Variants in FAM149B1 observed in about 807,000 individuals in gnomAD.
FAM149B1 encodes primary cilium assembly protein FAM149B1.
FAM149B1 carries 56 observed loss-of-function variants against 75.3 expected under a neutral mutation model. That is an observed-to-expected ratio of 0.74 (90% confidence interval 0.60 to 0.93). The LOEUF (loss-of-function observed/expected upper bound fraction) is 0.93. Ranked by LOEUF, FAM149B1 falls within the 40% of genes least tolerant of loss-of-function variation. The pLI, the probability that FAM149B1 is intolerant of heterozygous loss-of-function variation, is 0.00. For synonymous variants in FAM149B1, 259 were observed against 256.1 expected, an observed-to-expected ratio of 1.01 and a Z score of -0.11; for missense variants, 639 against 708.4, an observed-to-expected ratio of 0.90 and a Z score of 1.11.
chr10:73,169,645 G>C lies in FAM149B1; in HGVS notation c.47+1259G>C, dbSNP rs1253546390. Among the ~76,000 whole-genome samples the C allele has an allele frequency of 2.0e-5, 3 of 151,752 alleles. No individual in the cohort carries two copies. The East Asian group carries it at 5.8e-4, about 29-fold the overall frequency. ...CTAATTAAAAAAAAATTTTTTTTTG[G>C]TAGAGACAGGGTCCCACTATGTTGC... On this transcript the variant is annotated intron_variant, in intron 1 of 13. Transcript: ENST00000242505.
intron 3 of FAM149B1, among the ~76,000 whole-genome samples, chr10:73,182,147 GTGTGTT>G (rs2042413591): frequency 6.7e-6 from 1 of 149,230 alleles, no homozygotes; most frequent in African/African-American, 2.5e-5. Flanking sequence ...TATAGGTGAA[GTGTGTT>G]TCTTGTAGGC....
chr10:73,233,283 T>G, intron 10 of FAM149B1, 120 bp downstream of exon 10: 1 of 725,128 alleles, frequency 1.4e-6, no homozygotes, highest in South Asian at 1.8e-5. Flanking sequence ...AGTAGTCTTA[T>G]GACAGATTGC....
chr10:73,241,097 A>G lies in FAM149B1; in HGVS notation c.*78A>G. On this transcript the variant is annotated 3_prime_UTR_variant, in exon 14 of 14. Coordinates refer to ENST00000242505, the MANE Select transcript of FAM149B1 (RefSeq NM_173348.2). Reference sequence around the variant, plus strand: ...AGTATTCAGTCATCAAGTGATGCAGAGCTTGTATAGAAGATCGACTAGAAA... The same window carrying G: ...AGTATTCAGTCATCAAGTGATGCAGGGCTTGTATAGAAGATCGACTAGAAA... 1 of 833,530 alleles carries G rather than the reference A, an allele frequency of 1.2e-6. No homozygotes were observed. Among genetic ancestry groups the G allele is most frequent in the South Asian group, 1.4e-5 (1 of 69,354 alleles). The allele number at this position is 833,530 out of a possible 1,614,324, so 51.6% of individuals were successfully genotyped here.
At chr10:73,233,229 A>T in intron 10 of FAM149B1, 66 bp downstream of exon 10, 1 of 1,107,692 alleles carries the variant, frequency 9.0e-7, no homozygotes, top group Non-Finnish European at 1.3e-6. Context: ...TACAGAATTA[A>T]TTTAAATATA....
At chr10:73,175,081 G>C (rs984632377) in intron 2 of FAM149B1, among the ~76,000 whole-genome samples, 9 of 152,086 alleles carry the variant, frequency 5.9e-5, no homozygotes, top group Non-Finnish European at 8.8e-5. Context: ...CAAAAAAACA[G>C]AACATGGAGC....
chr10:73,227,942 A>G, intron 7 of FAM149B1, 118 bp from the exon 8 acceptor site: 1 of 1,098,606 alleles, frequency 9.1e-7, no homozygotes, highest in South Asian at 1.5e-5. Flanking sequence ...ATTGTACTGC[A>G]AAGATAAGTG....
Position 73,199,218 on chromosome 10 carries a change from G to GTTGTTA in FAM149B1, c.542+5630_542+5631insATTGTT, listed in dbSNP as rs1269803632. On this transcript the variant is annotated intron_variant, in intron 5 of 13. Transcript: ENST00000242505. ...CTTTTTTGTTGTTGTTGTTGTTGTTGTTGTTGTTGTTGTTGTTGAGATGGA... is the reference window on the plus strand; with the variant it reads ...CTTTTTTGTTGTTGTTGTTGTTGTTGTTGTTATTGTTGTTGTTGTTGTTGAGATGGA... Among the ~76,000 whole-genome samples, 4 of 151,722 alleles carry GTTGTTA rather than the reference G, an allele frequency of 2.6e-5. No individual in the cohort carries two copies. The South Asian group carries it at 8.4e-4, about 32-fold the overall frequency.
At position 73,228,108 on chromosome 10, in the gene FAM149B1, G is replaced by A. The variant is rs1419690375; in HGVS notation, c.947G>A (p.Cys316Tyr). ...ACCAGACCCGATTCAGAAAGTTCCTGTGTGCTGAGTGAACTACATCCTTTG... is the reference window on the plus strand; with the variant it reads ...ACCAGACCCGATTCAGAAAGTTCCTATGTGCTGAGTGAACTACATCCTTTG... ...AVTRPDSESS[C>Y]VLSELHPLVL... Residue 316 changes from cysteine to tyrosine, a missense_variant, in exon 8 of 14, where the codon TGT becomes TAT. Transcript: ENST00000242505. The A allele has an allele frequency of 1.9e-6, 3 of 1,551,180 alleles. No homozygotes were observed. The highest frequency in any genetic ancestry group is 1.4e-5 in the African/African-American group (1 of 73,006).
At chr10:73,178,174 G>A (rs1314884685) in intron 3 of FAM149B1, among the ~76,000 whole-genome samples, 199 bp downstream of exon 3, 1 of 152,152 alleles carries the variant, frequency 6.6e-6, no homozygotes, top group East Asian at 1.9e-4. Flanking sequence ...TTGAGCCTTA[G>A]ACATGCTTAG....
At chr10:73,180,634 T>G (rs1317773084) in intron 3 of FAM149B1, among the ~76,000 whole-genome samples, 1 of 152,232 alleles carries the variant, frequency 6.6e-6, no homozygotes, top group Non-Finnish European at 1.5e-5. Flanking sequence ...CCATCTTACT[T>G]TTGACCTTCA....
intron 5 of FAM149B1, among the ~76,000 whole-genome samples, chr10:73,203,071 C>T (rs893807527): frequency 7.2e-5 from 11 of 152,196 alleles, no homozygotes; most frequent in African/African-American, 2.7e-4. Context: ...GACTGAGACA[C>T]TTCATCCTTC....
rs1051301537 is a variant in FAM149B1, at chr10:73,241,031, A to G, written c.*12A>G. Reference sequence around the variant, plus strand: ...GGCAGGGACCATAAGGCAAATGAGAAGAATCTATCAGGCTGCAGGAAACAC... The same window carrying G: ...GGCAGGGACCATAAGGCAAATGAGAGGAATCTATCAGGCTGCAGGAAACAC... On this transcript the variant is annotated 3_prime_UTR_variant, in exon 14 of 14. Coordinates refer to ENST00000242505, the MANE Select transcript of FAM149B1 (RefSeq NM_173348.2). 6.9e-7 allele frequency: 1 copy of G among 1,441,500 alleles called. No individual in the cohort carries two copies. Among genetic ancestry groups the G allele is most frequent in the African/African-American group, 1.5e-5 (1 of 67,434 alleles). 89.3% of individuals were successfully genotyped at this position (1,441,500 alleles called of 1,614,324 possible).
rs528702100 is a variant in FAM149B1 at position 73,219,778 on chromosome 10, T to C, written c.899-8282T>C. Among the ~76,000 whole-genome samples the C allele has an allele frequency of 1.8e-4, 27 of 152,256 alleles. No homozygotes were observed. The South Asian group carries it at 5.6e-3, about 32-fold the overall frequency. ...ACTCACAATGGATCAAGGACCTAAA[T>C]TTGAGAGCCAAAATCATAAAACTCT... is the stretch of plus-strand genomic sequence containing the variant. On this transcript the variant is annotated intron_variant, in intron 7 of 13. Coordinates refer to ENST00000242505, the MANE Select transcript of FAM149B1 (RefSeq NM_173348.2).
intron 13 of FAM149B1, 57 bp downstream of exon 13, chr10:73,239,441 C>T: frequency 1.5e-6 from 2 of 1,342,426 alleles, no homozygotes; most frequent in Non-Finnish European, 2.1e-6. Context: ...AAGACCCAGC[C>T]TTTGTCTTTT....
intron 7 of FAM149B1, among the ~76,000 whole-genome samples, chr10:73,215,218 G>C (rs914159168): frequency 6.6e-6 from 1 of 151,972 alleles, no homozygotes; most frequent in Non-Finnish European, 1.5e-5. Context: ...ATAGGGTTTT[G>C]TCATGTTGGC....
intron 1 of FAM149B1, among the ~76,000 whole-genome samples, chr10:73,172,442 A>G (rs1306491454): frequency 6.6e-6 from 1 of 152,202 alleles, no homozygotes; most frequent in African/African-American, 2.4e-5. Flanking sequence ...TACTAACCAA[A>G]TGACCTTAAG....
At chr10:73,194,769 C>T (rs200354638) in intron 5 of FAM149B1, among the ~76,000 whole-genome samples, 4 of 151,694 alleles carry the variant, frequency 2.6e-5, no homozygotes, top group East Asian at 3.9e-4. Context: ...CTGTAACCTC[C>T]GCCTCCCAGG....
At chr10:73,175,953 G>A (rs1277939364) in intron 2 of FAM149B1, among the ~76,000 whole-genome samples, 1 of 152,162 alleles carries the variant, frequency 6.6e-6, no homozygotes, top group African/African-American at 2.4e-5. Flanking sequence ...GGACTGTGCA[G>A]TGGGGTGAGG....
At position 73,193,416 on chromosome 10, in the gene FAM149B1, T is replaced by C. The variant is rs2042725537; in HGVS notation, c.426-61T>C. 3.3e-6 allele frequency: 5 copies of C among 1,503,232 alleles called. No individual in the cohort carries two copies. In the Admixed American group the frequency reaches 8.7e-5, roughly 26 times the overall value. The allele number at this position is 1,503,232 out of a possible 1,614,324, so 93.1% of individuals were successfully genotyped here. A position where few individuals can be genotyped will look rare whatever the true frequency, so the allele number is the denominator to read the frequency against. On this transcript the variant is annotated intron_variant, in intron 4 of 13. Transcript: ENST00000242505. The stretch of plus-strand genomic sequence containing the variant: ...CCATCAAATGTGTCCAAAATATATC[T>C]AGATTTTGTATGTATGCCAGTGAAG...
Sources: gnomAD v4.1 joint callset for allele counts (sites outside exome capture counted in the v4.1 genomes callset) on GRCh38, gnomAD v4.1.1 for gene constraint, MANE v1.5 for transcripts, NCBI Gene and HGNC (gene_info 2026-07-23, HGNC 2026-07-21) for gene names.